ZSCAN25: variants seen among roughly 807,000 people sequenced by gnomAD.
ZSCAN25 encodes the protein zinc finger and SCAN domain-containing protein 25.
Under a neutral mutation model 38.7 loss-of-function variants are expected in ZSCAN25, and 27 were observed. The ratio of observed to expected loss-of-function variants is 0.70; its 90% CI spans 0.51 to 0.96. ZSCAN25 has a LOEUF of 0.96. Among genes scored for constraint, ZSCAN25 ranks in the 40% least tolerant of loss-of-function variants. ZSCAN25 has a pLI of 0.00. For missense variants in ZSCAN25, 637 were observed against 705.9 expected (o/e 0.90, Z 1.11); for synonymous variants, 273 against 277.7 (o/e 0.98, Z 0.17).
the ZSCAN25 span, chr7:99,717,334 G>A: frequency 3.1e-6 from 5 of 1,610,880 alleles, no homozygotes; most frequent in Non-Finnish European, 4.2e-6. Flanking sequence ...ACATGACTTT[G>A]CCTGGCATGG....
the ZSCAN25 span, among the ~76,000 whole-genome samples, chr7:99,640,689 G>A: frequency 6.6e-6 from 1 of 152,196 alleles, no homozygotes; most frequent in Non-Finnish European, 1.5e-5. Context: ...TCTCAGGGAA[G>A]GATATACTTC....
chr7:99,658,008 G>C, the ZSCAN25 span, among the ~76,000 whole-genome samples: 1 of 152,164 alleles, frequency 6.6e-6, no homozygotes, highest in Non-Finnish European at 1.5e-5. Flanking sequence ...CCTGAATACA[G>C]CACACCGATG....
chr7:99,709,813 C>A, the ZSCAN25 span, among the ~76,000 whole-genome samples: 1 of 151,420 alleles, frequency 6.6e-6, no homozygotes, highest in Admixed American at 6.6e-5. Context: ...TGCATATATA[C>A]ACAAAAGCAG....
the ZSCAN25 span, among the ~76,000 whole-genome samples, chr7:99,726,202 A>T: frequency 1.3e-5 from 2 of 152,010 alleles, no homozygotes; most frequent in African/African-American, 4.8e-5. Context: ...AACTGATCAC[A>T]TGCCCATTAC....
chr7:99,695,862 G>T, the ZSCAN25 span: 1 of 1,605,750 alleles, frequency 6.2e-7, no homozygotes, highest in Non-Finnish European at 8.5e-7. Context: ...TCAGAAATCA[G>T]GTCTCAGGGA....
At chr7:99,617,584 A>C (rs907497859) in intron 1 of ZSCAN25, among the ~76,000 whole-genome samples, 20 of 152,156 alleles carry the variant, frequency 1.3e-4, no homozygotes, top group Admixed American at 2.6e-4. Context: ...CTGTCTCTAC[A>C]AAAATAAATA....
chr7:99,715,504 G>C, the ZSCAN25 span: 1 of 518,204 alleles, frequency 1.9e-6, no homozygotes, highest in Non-Finnish European at 3.4e-6. Flanking sequence ...ATCTATAGAT[G>C]CAGAAAGTTG....
the ZSCAN25 span, among the ~76,000 whole-genome samples, chr7:99,724,696 C>T: frequency 1.3e-5 from 2 of 152,238 alleles, no homozygotes; most frequent in South Asian, 4.2e-4. Flanking sequence ...GAGACTAGCC[C>T]TCCTCCACCT....
the ZSCAN25 span, among the ~76,000 whole-genome samples, chr7:99,637,504 T>G: frequency 1.3e-5 from 2 of 152,200 alleles, no homozygotes; most frequent in African/African-American, 4.8e-5. Context: ...TTAAGTTAGC[T>G]ACGTTATGGG....
chr7:99,722,198 T>G, the ZSCAN25 span: 1 of 1,488,158 alleles, frequency 6.7e-7, no homozygotes, highest in Non-Finnish European at 9.3e-7. Context: ...GGCAAGAGCT[T>G]CATCGCAAGA....
chr7:99,638,439 C>T, the ZSCAN25 span: 39 of 1,564,146 alleles, frequency 2.5e-5, no homozygotes, highest in Admixed American at 6.8e-5. Flanking sequence ...CCTCATCTCC[C>T]GGTCATTGAT....
At chr7:99,735,089 TC>T in the ZSCAN25 span, 1 of 1,614,036 alleles carries the variant, frequency 6.2e-7, no homozygotes, top group Non-Finnish European at 8.5e-7. Context: ...TGGGATGAGA[TC>T]CATCACTACT....
At position 99,616,982 on chromosome 7, in the gene ZSCAN25, C is replaced by A. The variant is rs915272757; in HGVS notation, c.-293C>A. The A allele has an allele frequency of 6.6e-6, 1 of 152,262 alleles. No individual in the cohort carries two copies. The highest frequency in any genetic ancestry group is 1.9e-4 in the East Asian group (1 of 5,194). 9.4% of individuals were successfully genotyped at this position (152,262 alleles called of 1,614,324 possible). A position where few individuals can be genotyped will look rare whatever the true frequency, so the allele number is the denominator to read the frequency against. Reference sequence around the variant, plus strand: ...CCGGACCGCGGATAGCACTGGCGACCCTAGCGGGTGAGAGGCCCTTCAGGG... The same window carrying A: ...CCGGACCGCGGATAGCACTGGCGACACTAGCGGGTGAGAGGCCCTTCAGGG... On this transcript the variant is annotated 5_prime_UTR_variant, in exon 1 of 8. Transcript: ENST00000394152.
chr7:99,724,922 G>T, the ZSCAN25 span, among the ~76,000 whole-genome samples: 1 of 152,056 alleles, frequency 6.6e-6, no homozygotes, highest in Non-Finnish European at 1.5e-5. Flanking sequence ...CCTCTCCCCA[G>T]ATGAGCAGGA....
the ZSCAN25 span, chr7:99,735,119 CCT>C: frequency 2.5e-6 from 4 of 1,613,584 alleles, no homozygotes; most frequent in Non-Finnish European, 1.7e-6. Flanking sequence ...TTATCTCTCT[CCT>C]CTGAGTCTTT....
the ZSCAN25 span, chr7:99,722,464 G>A: frequency 5.3e-6 from 7 of 1,313,658 alleles, no homozygotes; most frequent in South Asian, 9.1e-5. Flanking sequence ...GCAGTTAGAG[G>A]AAGCTTATTT....
chr7:99,676,108 A>G, the ZSCAN25 span: 1 of 1,612,790 alleles, frequency 6.2e-7, no homozygotes, highest in Non-Finnish European at 8.5e-7. Context: ...AAGCTCAAGC[A>G]ACTCACCTGA....
chr7:99,667,832 A>C, the ZSCAN25 span, among the ~76,000 whole-genome samples: 3 of 152,194 alleles, frequency 2.0e-5, no homozygotes, highest in African/African-American at 7.2e-5. Context: ...CATTCAGTTA[A>C]ATCACATTTA....
At chr7:99,721,759 C>T in the ZSCAN25 span, among the ~76,000 whole-genome samples, 1 of 148,562 alleles carries the variant, frequency 6.7e-6, no homozygotes, top group African/African-American at 2.5e-5. Flanking sequence ...GTGTGTGTGT[C>T]AGTGTGTCTG....
Sources: gnomAD v4.1 joint callset for allele counts (sites outside exome capture counted in the v4.1 genomes callset) on GRCh38, gnomAD v4.1.1 for gene constraint, MANE v1.5 for transcripts, NCBI Gene and HGNC (gene_info 2026-07-23, HGNC 2026-07-21) for gene names.